Variants in EGFLAM observed in about 807,000 individuals in gnomAD.
EGFLAM encodes the protein pikachurin.
A neutral mutation model predicts 113.1 loss-of-function variants in EGFLAM; 79 were observed. The ratio of observed to expected loss-of-function variants is 0.70; its 90% CI spans 0.58 to 0.84. The LOEUF (loss-of-function observed/expected upper bound fraction) is 0.84, where lower values mean the gene tolerates loss of function less well. Among genes scored for constraint, EGFLAM ranks in the 40% least tolerant of loss-of-function variants. The pLI is 0.00. For missense variants in EGFLAM, 1,265 were observed against 1,291.6 expected, an observed-to-expected ratio of 0.98 and a Z score of 0.32; for synonymous variants, 504 against 487.6, an observed-to-expected ratio of 1.03 and a Z score of -0.44.
chr5:38,384,365 T>C (rs985144494), intron 6 of EGFLAM, among the ~76,000 whole-genome samples: 5 of 152,124 alleles, frequency 3.3e-5, no homozygotes, highest in Non-Finnish European at 5.9e-5. Flanking sequence ...CCTGTCCTCT[T>C]CTCTGTTGCA....
chr5:38,463,933 C>T lies in EGFLAM; in HGVS notation c.2977C>T (p.Leu993Phe), dbSNP rs760449725. 1.2e-6 allele frequency: 2 copies of T among 1,614,230 alleles called. No homozygotes were observed. Among genetic ancestry groups the T allele is most frequent in the South Asian group, 2.2e-5 (2 of 91,080 alleles). Residue 993 changes from leucine (L) to phenylalanine (F), a missense_variant, in exon 22 of 22, where the codon CTC becomes TTC. Coordinates refer to ENST00000322350, the MANE Select transcript of EGFLAM (RefSeq NM_152403.4). Reference protein sequence around the residue: ...FTLSTDYHISLVEDAVDGKNI... With the variant: ...FTLSTDYHISFVEDAVDGKNI... ...CCTGTCCACCGATTACCACATTTCCCTCGTGGAAGATGCCGTGGATGGGAA... is the reference window on the plus strand; with the variant it reads ...CCTGTCCACCGATTACCACATTTCCTTCGTGGAAGATGCCGTGGATGGGAA...
intron 10 of EGFLAM, among the ~76,000 whole-genome samples, chr5:38,411,915 T>C (rs1414415355): frequency 2.0e-5 from 3 of 152,228 alleles, no homozygotes; most frequent in Admixed American, 2.0e-4. Context: ...TTCTGCTGCC[T>C]CAGCCTCTGG....
At chr5:38,358,968 A>G (rs1339271530) in intron 5 of EGFLAM, among the ~76,000 whole-genome samples, 1 of 152,216 alleles carries the variant, frequency 6.6e-6, no homozygotes, top group Non-Finnish European at 1.5e-5. Context: ...AAGTGACACT[A>G]AAAATTTCTT....
chr5:38,282,056 C>A (rs1758033874), intron 1 of EGFLAM, among the ~76,000 whole-genome samples: 1 of 152,068 alleles, frequency 6.6e-6, no homozygotes, highest in Non-Finnish European at 1.5e-5. Flanking sequence ...GATTCTTTCC[C>A]ACTTCTGTTT....
intron 6 of EGFLAM, among the ~76,000 whole-genome samples, chr5:38,380,656 G>C (rs1740486081): frequency 1.3e-5 from 2 of 152,206 alleles, no homozygotes; most frequent in Admixed American, 6.5e-5. Flanking sequence ...TATAACTTCA[G>C]ATGTAATTTT....
At chr5:38,288,728 T>C (rs1004837032) in intron 1 of EGFLAM, among the ~76,000 whole-genome samples, 1 of 152,244 alleles carries the variant, frequency 6.6e-6, no homozygotes, top group Admixed American at 6.5e-5. Context: ...AGAAAGGAGA[T>C]AACAAATATT....
intron 20 of EGFLAM, among the ~76,000 whole-genome samples, chr5:38,459,142 G>A (rs1442071432): frequency 2.6e-5 from 4 of 151,938 alleles, no homozygotes; most frequent in African/African-American, 9.7e-5. Flanking sequence ...CCAGGCTCAG[G>A]CAGTCCTCCC....
intron 5 of EGFLAM, among the ~76,000 whole-genome samples, chr5:38,369,262 G>A (rs539507067): frequency 2.0e-4 from 31 of 152,218 alleles, no homozygotes; most frequent in Non-Finnish European, 2.6e-4. Context: ...AAATATACTC[G>A]TTTGAACATA....
chr5:38,407,549 CTAATG>C (rs1741329653), intron 8 of EGFLAM, among the ~76,000 whole-genome samples: 1 of 152,178 alleles, frequency 6.6e-6, no homozygotes, highest in African/African-American at 2.4e-5. Context: ...GACAGTGGCC[CTAATG>C]CCATTGGTTT....
At chr5:38,438,162 A>T (rs2561828) in intron 16 of EGFLAM, 113 bp from the exon 17 acceptor site, 183,373 of 1,128,600 alleles carry the variant, frequency 0.16, 16,171 homozygotes, top group African/African-American at 0.18. Flanking sequence ...ACTTAAAAAA[A>T]TTTTTTTTCA....
chr5:38,361,940 A>T (rs546244640), intron 5 of EGFLAM, among the ~76,000 whole-genome samples: 234 of 152,128 alleles, frequency 1.5e-3, no homozygotes, highest in Middle Eastern at 6.8e-3. Context: ...CCACATGCAA[A>T]TATATTTTCA....
intron 2 of EGFLAM, 127 bp from the exon 3 acceptor site, chr5:38,338,571 C>T: frequency 1.2e-6 from 1 of 828,022 alleles, no homozygotes; most frequent in Non-Finnish European, 2.0e-6. Flanking sequence ...TGTGTTCCCG[C>T]AGAACTAGTG....
intron 10 of EGFLAM, among the ~76,000 whole-genome samples, chr5:38,409,476 T>A (rs568630625): frequency 6.6e-6 from 1 of 152,274 alleles, no homozygotes; most frequent in South Asian, 2.1e-4. Context: ...CTGTTGAATG[T>A]ACCTGGCACT....
chr5:38,428,880 T>G (rs1219836472), intron 14 of EGFLAM, among the ~76,000 whole-genome samples: 3 of 152,198 alleles, frequency 2.0e-5, no homozygotes, highest in African/African-American at 7.2e-5. Flanking sequence ...TTTTTAAGAA[T>G]TAGGTGATGA....
At chr5:38,317,088 G>A (rs1738616248) in intron 1 of EGFLAM, among the ~76,000 whole-genome samples, 3 of 152,288 alleles carry the variant, frequency 2.0e-5, no homozygotes, top group Non-Finnish European at 4.4e-5. Flanking sequence ...CTGACTTCTT[G>A]CACACGGATG....
intron 1 of EGFLAM, chr5:38,305,333 A>G (rs1758695055): frequency 3.6e-6 from 1 of 281,492 alleles, no homozygotes; most frequent in Non-Finnish European, 7.3e-6. Flanking sequence ...ATTCTGAAGG[A>G]AAATTATTTC....
chr5:38,309,260 G>T (rs1758803827), intron 1 of EGFLAM, among the ~76,000 whole-genome samples: 2 of 152,150 alleles, frequency 1.3e-5, no homozygotes, highest in African/African-American at 4.8e-5. Context: ...TACTACAATG[G>T]TAACTTAAAA....
At chr5:38,264,002 C>T (rs1436621670) in intron 1 of EGFLAM, among the ~76,000 whole-genome samples, 2 of 152,124 alleles carry the variant, frequency 1.3e-5, no homozygotes, top group Non-Finnish European at 1.5e-5. Flanking sequence ...GGGTATAGAT[C>T]GTTTGTCTCT....
At chr5:38,413,185 ATTTTT>A (rs34326457) in intron 11 of EGFLAM, among the ~76,000 whole-genome samples, 5 of 100,882 alleles carry the variant, frequency 5.0e-5, no homozygotes, top group African/African-American at 1.6e-4. Context: ...TGCCTGGCTA[ATTTTT>A]TTTTTTTTTT....
Sources: allele counts gnomAD v4.1 joint callset (sites outside exome capture counted in the v4.1 genomes callset), GRCh38; gene constraint gnomAD v4.1.1; transcripts MANE v1.5; gene names NCBI Gene and HGNC (gene_info 2026-07-23, HGNC 2026-07-21).